DCDC2: variants seen among roughly 807,000 people sequenced by gnomAD.
DCDC2 encodes the protein doublecortin domain containing 2.
In DCDC2, 40 loss-of-function variants were observed where a neutral mutation model predicts 50.2. The ratio of observed to expected loss-of-function variants is 0.80; its 90% CI spans 0.62 to 1.04. DCDC2 has a LOEUF of 1.04. Ranked by LOEUF, DCDC2 falls within the 50% of genes least tolerant of loss-of-function variation. The pLI is 0.00. For missense variants in DCDC2, 570 were observed against 581.9 expected, an observed-to-expected ratio of 0.98 and a Z score of 0.21; for synonymous variants, 234 against 210.6, an observed-to-expected ratio of 1.11 and a Z score of -0.96.
chr6:24,315,777 C>A (rs1759649859), intron 2 of DCDC2, among the ~76,000 whole-genome samples: 2 of 152,034 alleles, frequency 1.3e-5, no homozygotes, highest in South Asian at 4.2e-4. Flanking sequence ...AAGTTTCAGC[C>A]TAAGCATAAT....
At chr6:24,231,614 G>A (rs1762337514) in intron 7 of DCDC2, among the ~76,000 whole-genome samples, 1 of 152,048 alleles carries the variant, frequency 6.6e-6, no homozygotes, top group African/African-American at 2.4e-5. Context: ...TCAATACTTA[G>A]GAAACCTTTA....
At chr6:24,290,798 T>C in intron 5 of DCDC2, 134 bp downstream of exon 5, 4 of 705,936 alleles carry the variant, frequency 5.7e-6, no homozygotes, top group Non-Finnish European at 8.6e-6. Flanking sequence ...GATCAATGTA[T>C]ACCATATATG....
At chr6:24,348,113 G>C (rs1017094173) in intron 2 of DCDC2, among the ~76,000 whole-genome samples, 4 of 152,218 alleles carry the variant, frequency 2.6e-5, no homozygotes, top group Admixed American at 2.6e-4. Context: ...GACAAAATCA[G>C]ATGTGTGGAC....
chr6:24,194,389 AT>A (rs1761381085), intron 8 of DCDC2, among the ~76,000 whole-genome samples: 1 of 152,220 alleles, frequency 6.6e-6, no homozygotes, highest in South Asian at 2.1e-4. Context: ...GCATAAAAAC[AT>A]TTTTCAATTC....
chr6:24,210,248 T>C (rs1180182117), intron 7 of DCDC2, among the ~76,000 whole-genome samples: 1 of 152,172 alleles, frequency 6.6e-6, no homozygotes, highest in Non-Finnish European at 1.5e-5. Flanking sequence ...TTGAGTACCA[T>C]CAATGTGCCA....
At chr6:24,321,564 A>T (rs1759774773) in intron 2 of DCDC2, among the ~76,000 whole-genome samples, 1 of 152,210 alleles carries the variant, frequency 6.6e-6, no homozygotes, top group African/African-American at 2.4e-5. Context: ...TTTGCTTTAG[A>T]ATACTAGAGT....
intron 2 of DCDC2, among the ~76,000 whole-genome samples, chr6:24,339,747 C>A (rs1034447777): frequency 6.6e-6 from 1 of 152,268 alleles, no homozygotes; most frequent in East Asian, 1.9e-4. Context: ...GCCTGGGACA[C>A]ACAAGCTAAA....
upstream of DCDC2, among the ~76,000 whole-genome samples, chr6:24,358,943 A>ATT (rs1561788629): frequency 5.4e-3 from 293 of 54,252 alleles, 13 homozygotes; most frequent in African/African-American, 0.027. Flanking sequence ...TATTTTATAT[A>ATT]TTATATATTA....
At chr6:24,217,486 G>A (rs1762008103) in intron 7 of DCDC2, among the ~76,000 whole-genome samples, 1 of 152,298 alleles carries the variant, frequency 6.6e-6, no homozygotes, top group Admixed American at 6.5e-5. Context: ...AAGTGCTAGT[G>A]ATTCTGTAAA....
At chr6:24,365,702 A>C in the DCDC2 span, 1 of 152,274 alleles carries the variant, frequency 6.6e-6, no homozygotes, top group Non-Finnish European at 1.5e-5. Flanking sequence ...TAAGATTAGC[A>C]TAAGTTCCTG....
At chr6:24,369,632 G>C in the DCDC2 span, among the ~76,000 whole-genome samples, 4 of 151,958 alleles carry the variant, frequency 2.6e-5, no homozygotes, top group Non-Finnish European at 5.9e-5. Context: ...GACATACTGA[G>C]TGTAACGGCC....
At chr6:24,254,814 C>A (rs2113801417) in intron 7 of DCDC2, among the ~76,000 whole-genome samples, 1 of 124,076 alleles carries the variant, frequency 8.1e-6, no homozygotes, top group East Asian at 2.7e-4. Flanking sequence ...TCCCAAAAAT[C>A]AATGTAATTC....
chr6:24,331,852 G>C (rs1400574461), intron 2 of DCDC2, among the ~76,000 whole-genome samples: 2 of 152,098 alleles, frequency 1.3e-5, no homozygotes, highest in Admixed American at 6.5e-5. Context: ...CCAAAAGAAA[G>C]TGTTGCTTCC....
At chr6:24,250,746 G>GAA (rs140392052) in intron 7 of DCDC2, among the ~76,000 whole-genome samples, 17 of 147,252 alleles carry the variant, frequency 1.2e-4, no homozygotes, top group African/African-American at 4.2e-4. Context: ...ATTAATTCAA[G>GAA]AAAAAAAAAA....
intron 6 of DCDC2, among the ~76,000 whole-genome samples, chr6:24,280,378 T>C (rs568783207): frequency 4.1e-4 from 62 of 152,100 alleles, no homozygotes; most frequent in African/African-American, 1.3e-3. Flanking sequence ...GTTTTTTTTT[T>C]TTTTCTTTTC....
Position 24,172,482 on chromosome 6 carries a change from TA to T in DCDC2, c.*2247del, listed in dbSNP as rs1364694282. On this transcript the variant is annotated 3_prime_UTR_variant, in exon 10 of 10. Coordinates refer to ENST00000378454, the MANE Select transcript of DCDC2 (RefSeq NM_016356.5). ...TTAAAATGACGCTTAAGGTGTTTCC[TA>T]AAACCTAAGTTTCATAATATAATGA... The T allele has an allele frequency of 1.3e-5, 2 of 152,080 alleles. No individual in the cohort carries two copies. The highest frequency in any genetic ancestry group is 3.9e-4 in the East Asian group (2 of 5,182). The allele number at this position is 152,080 out of a possible 1,614,324, so 9.4% of individuals were successfully genotyped here. A position where few individuals can be genotyped will look rare whatever the true frequency, so the allele number is the denominator to read the frequency against.
At position 24,305,794 on chromosome 6, in the gene DCDC2, A is replaced by AGGG. The variant is rs60550308; in HGVS notation, c.349-3753_349-3751dup. Reference sequence around the variant, plus strand: ...ATAATCCCAGCACTTTGGGAGGCCAAGGGGGGGTGGATCACCTGAGGTCAG... The same window carrying AGGG: ...ATAATCCCAGCACTTTGGGAGGCCAAGGGGGGGGGGTGGATCACCTGAGGTCAG... On this transcript the variant is annotated intron_variant, in intron 2 of 9. Coordinates refer to ENST00000378454, the MANE Select transcript of DCDC2 (RefSeq NM_016356.5). 1.5e-3 allele frequency among the ~76,000 whole-genome samples: 221 copies of AGGG among 151,996 alleles called. 2 individuals carry two copies. The highest frequency in any genetic ancestry group is 4.8e-3 in the African/African-American group (198 of 41,388).
At position 24,302,071 on chromosome 6, in the gene DCDC2, A is replaced by G. The variant is rs1211151075; in HGVS notation, c.349-27T>C. On this transcript the variant is annotated intron_variant, in intron 2 of 9. Coordinates refer to ENST00000378454, the MANE Select transcript of DCDC2 (RefSeq NM_016356.5). ...TTTAAAAGCAAAGGAAAAAAAATAT[A>G]AACCACTAAGCTTATATTAGCTTTT... The G allele has an allele frequency of 2.5e-6, 4 of 1,592,522 alleles. No homozygotes were observed. The African/African-American group carries it at 5.4e-5, about 22-fold the overall frequency.
At chr6:24,215,983 G>A (rs1356181449) in intron 7 of DCDC2, among the ~76,000 whole-genome samples, 1 of 152,180 alleles carries the variant, frequency 6.6e-6, no homozygotes, top group East Asian at 1.9e-4. Flanking sequence ...ATCGTTAACA[G>A]TGTTATTCAT....
Sources: allele counts gnomAD v4.1 joint callset (sites outside exome capture counted in the v4.1 genomes callset), GRCh38; gene constraint gnomAD v4.1.1; transcripts MANE v1.5; gene names NCBI Gene and HGNC (gene_info 2026-07-23, HGNC 2026-07-21).